SGCZ: variants seen among roughly 807,000 people sequenced by gnomAD.
SGCZ encodes zeta-sarcoglycan.
Under a neutral mutation model 41.3 loss-of-function variants are expected in SGCZ, and 40 were observed. That is an observed-to-expected ratio of 0.97 (90% CI 0.75 to 1.26). The LOEUF (loss-of-function observed/expected upper bound fraction) is 1.26, where lower values mean the gene tolerates loss of function less well. Ranked by LOEUF, SGCZ falls within the 50% of genes most tolerant of loss-of-function variation. The pLI is 0.00. For missense variants in SGCZ, 552 were observed against 369.8 expected (o/e 1.49, Z -4.04); for synonymous variants, 206 against 137.5 (o/e 1.50, Z -3.49).
chr8:14,958,448 T>A (rs181194503), intron 1 of SGCZ, among the ~76,000 whole-genome samples: 106 of 152,124 alleles, frequency 7.0e-4, no homozygotes, highest in African/African-American at 2.4e-3. Context: ...CATGGTAAAC[T>A]CTGAAAACAA....
At chr8:15,029,909 C>G (rs944651288) in intron 1 of SGCZ, among the ~76,000 whole-genome samples, 1 of 151,868 alleles carries the variant, frequency 6.6e-6, no homozygotes, top group African/African-American at 2.4e-5. Flanking sequence ...TCAAAGCAAG[C>G]AAGTGATCTG....
At chr8:14,394,134 G>GC (rs142651514) in intron 2 of SGCZ, among the ~76,000 whole-genome samples, 1,752 of 128,762 alleles carry the variant, frequency 0.014, 59 homozygotes, top group African/African-American at 0.053. Context: ...CTGCCCTACC[G>GC]CCCCCCACCT....
At position 15,084,272 on chromosome 8, in the gene SGCZ, A is replaced by C. The variant is rs535631609; in HGVS notation, c.39+153313T>G. Among the ~76,000 whole-genome samples the C allele has an allele frequency of 1.2e-3, 184 of 152,306 alleles. 1 individual carries two copies. The highest frequency in any genetic ancestry group is 2.1e-3 in the Non-Finnish European group (145 of 68,018). On this transcript the variant is annotated intron_variant, in intron 1 of 7. Coordinates refer to ENST00000382080, the MANE Select transcript of SGCZ (RefSeq NM_139167.4). ...GATAAGTATTTCTATGATGCATTTA[A>C]AGACAATTTTAAAATTCAGTCTATA... is the stretch of plus-strand genomic sequence containing the variant.
rs1427013 is a variant in SGCZ at position 14,294,485 on chromosome 8, C to A, written c.336+29618G>T. Among the ~76,000 whole-genome samples the A allele has an allele frequency of 2.6e-5, 4 of 151,684 alleles. No homozygotes were observed. In the East Asian group the frequency reaches 7.8e-4, roughly 29 times the overall value. ...AAGAAAATATATAAAAACATTGCTG[C>A]GATCTTATCTTACATAAATTTTTTT... On this transcript the variant is annotated intron_variant, in intron 3 of 7. Transcript: ENST00000382080.
chr8:14,912,329 G>T (rs1446307055), intron 1 of SGCZ, among the ~76,000 whole-genome samples: 3 of 151,838 alleles, frequency 2.0e-5, no homozygotes, highest in African/African-American at 7.3e-5. Context: ...AAATGACAGA[G>T]ATCTCCAATA....
At chr8:14,443,969 C>A (rs1380687751) in intron 2 of SGCZ, among the ~76,000 whole-genome samples, 26 of 151,650 alleles carry the variant, frequency 1.7e-4, no homozygotes, top group East Asian at 5.8e-4. Flanking sequence ...TTACAAGAAA[C>A]AAACAAACAA....
chr8:14,423,578 G>A (rs1375800909), intron 2 of SGCZ, among the ~76,000 whole-genome samples: 2 of 152,008 alleles, frequency 1.3e-5, no homozygotes, highest in Non-Finnish European at 2.9e-5. Context: ...CACCATACCT[G>A]GCTAATTTTG....
intron 2 of SGCZ, among the ~76,000 whole-genome samples, chr8:14,338,904 T>A (rs1414066232): frequency 6.6e-6 from 1 of 152,202 alleles, no homozygotes; most frequent in Non-Finnish European, 1.5e-5. Flanking sequence ...GCCACATTTC[T>A]GCACAGTCAT....
intron 1 of SGCZ, among the ~76,000 whole-genome samples, chr8:15,048,164 C>T (rs568155383): frequency 6.6e-6 from 1 of 152,118 alleles, no homozygotes; most frequent in African/African-American, 2.4e-5. Flanking sequence ...AGAATGAAAA[C>T]CTGTCATTTG....
rs74715282 is a variant in SGCZ at position 14,234,472 on chromosome 8, A to T, written c.424+3120T>A. Among the ~76,000 whole-genome samples the T allele has an allele frequency of 9.6e-3, 1,463 of 152,184 alleles. 18 individuals are homozygous for T. The highest frequency in any genetic ancestry group is 0.033 in the African/African-American group (1,388 of 41,556). On this transcript the variant is annotated intron_variant, in intron 4 of 7. Transcript: ENST00000382080. Reference sequence around the variant, plus strand: ...AAATATGGAAAATACTCAAATTGTTATGTTTTTAGAATTGACTATACCTTT... The same window carrying T: ...AAATATGGAAAATACTCAAATTGTTTTGTTTTTAGAATTGACTATACCTTT...
At chr8:14,226,958 G>A (rs1299349990) in intron 4 of SGCZ, among the ~76,000 whole-genome samples, 1 of 152,086 alleles carries the variant, frequency 6.6e-6, no homozygotes, top group East Asian at 1.9e-4. Flanking sequence ...ATTTCTTAAT[G>A]TGTAATATTG....
In SGCZ at chr8:14,493,359, C is replaced by CTTTTTTTTTT. The variant is rs57898016; in HGVS notation, c.234+61363_234+61372dup. On this transcript the variant is annotated intron_variant, in intron 2 of 7. Coordinates refer to ENST00000382080, the MANE Select transcript of SGCZ (RefSeq NM_139167.4). ...CATACTTTTCCCACTATCATCCTTT[C>CTTTTTTTTTT]TTTTTTTTTTTTTTTTTTTTTTTTT... 7.4e-3 allele frequency among the ~76,000 whole-genome samples: 327 copies of CTTTTTTTTTT among 44,272 alleles called. 55 individuals carry two copies. Among genetic ancestry groups the CTTTTTTTTTT allele is most frequent in the Non-Finnish European group, 8.6e-3 (203 of 23,706 alleles). 29.0% of individuals were successfully genotyped at this position (44,272 alleles called of 152,430 possible).
chr8:15,148,251 A>T (rs1248232144), intron 1 of SGCZ, among the ~76,000 whole-genome samples: 1 of 152,220 alleles, frequency 6.6e-6, no homozygotes, highest in East Asian at 1.9e-4. Context: ...GATGTGAGTC[A>T]ATATTGGGGA....
At chr8:14,355,049 T>C (rs765439986) in intron 2 of SGCZ, among the ~76,000 whole-genome samples, 5 of 152,012 alleles carry the variant, frequency 3.3e-5, no homozygotes, top group Non-Finnish European at 7.4e-5. Context: ...AATTCAATTC[T>C]TACAAATAAG....
In SGCZ at chr8:14,241,953, A is replaced by G. The variant is rs537449672; in HGVS notation, c.337-4274T>C. ...TATTTCTATTGCCTTCACTTTATTTATAACAAATATTTACTCAGTGCTTGT... is the reference window on the plus strand; with the variant it reads ...TATTTCTATTGCCTTCACTTTATTTGTAACAAATATTTACTCAGTGCTTGT... On this transcript the variant is annotated intron_variant, in intron 3 of 7. Coordinates refer to ENST00000382080, the MANE Select transcript of SGCZ (RefSeq NM_139167.4). Among the ~76,000 whole-genome samples, 7 of 152,336 alleles carry G rather than the reference A, an allele frequency of 4.6e-5. No homozygotes were observed. In the East Asian group the frequency reaches 1.3e-3, roughly 29 times the overall value.
At chr8:14,168,436 G>A (rs1443944545) in intron 4 of SGCZ, among the ~76,000 whole-genome samples, 1 of 152,146 alleles carries the variant, frequency 6.6e-6, no homozygotes, top group South Asian at 2.1e-4. Flanking sequence ...CCCAGTGGGA[G>A]GTAATTGGAT....
At chr8:14,353,102 T>C (rs1408714177) in intron 2 of SGCZ, among the ~76,000 whole-genome samples, 1 of 152,062 alleles carries the variant, frequency 6.6e-6, no homozygotes, top group Admixed American at 6.6e-5. Context: ...TTCTTACACA[T>C]ACGATTTCTA....
chr8:14,517,513 T>C (rs1474531200), intron 2 of SGCZ, among the ~76,000 whole-genome samples: 1 of 152,088 alleles, frequency 6.6e-6, no homozygotes, highest in East Asian at 1.9e-4. Flanking sequence ...AATAGGCCTT[T>C]AACTTTGTAT....
chr8:14,340,834 G>C (rs150220706), intron 2 of SGCZ, among the ~76,000 whole-genome samples: 4 of 152,204 alleles, frequency 2.6e-5, no homozygotes, highest in Non-Finnish European at 5.9e-5. Context: ...GTATGGTTCA[G>C]TGGCATTAAG....
Sources: allele counts gnomAD v4.1 joint callset (sites outside exome capture counted in the v4.1 genomes callset), GRCh38; gene constraint gnomAD v4.1.1; transcripts MANE v1.5; gene names NCBI Gene and HGNC (gene_info 2026-07-23, HGNC 2026-07-21).